MYPN: variants seen among roughly 807,000 people sequenced by gnomAD.
MYPN encodes the protein myopalladin, also known as sarcomeric protein myopalladin, 145 kDa (MYOP).
Under a neutral mutation model 129.4 loss-of-function variants are expected in MYPN, and 63 were observed. That is an observed-to-expected ratio of 0.49 (90% CI 0.40 to 0.60). The LOEUF (loss-of-function observed/expected upper bound fraction) is 0.60. MYPN is among the 20% of genes least tolerant of loss of function. The probability of loss-of-function intolerance (pLI) is 0.00; values close to 1 mark genes in which losing one functional copy is unlikely to be tolerated. For synonymous variants in MYPN, 629 were observed against 600.9 expected (o/e 1.05, Z -0.68); for missense variants, 1,596 against 1,635.4 (o/e 0.98, Z 0.42).
In MYPN at chr10:68,186,687, G is replaced by A. The variant is rs114289384; in HGVS notation, c.2704-2218G>A. On this transcript the variant is annotated intron_variant, in intron 12 of 19. Transcript: ENST00000358913. ...ACTCATTCTTCAGATCTTATTGAGC[G>A]CTCACCTGCCATGGTGCAGGTACTC... Among the ~76,000 whole-genome samples, 668 of 152,192 alleles carry A rather than the reference G, an allele frequency of 4.4e-3. 5 individuals are homozygous for A. The highest frequency in any genetic ancestry group is 0.015 in the African/African-American group (611 of 41,516).
upstream of MYPN, chr10:68,106,899 A>T: frequency 2.9e-6 from 2 of 691,818 alleles, no homozygotes; most frequent in Non-Finnish European, 5.3e-6. Flanking sequence ...CATGTGTTGG[A>T]TGAGCCACTC....
intron 7 of MYPN, among the ~76,000 whole-genome samples, chr10:68,160,548 TATCA>T (rs1489362942): frequency 6.6e-6 from 1 of 150,928 alleles, no homozygotes; most frequent in Non-Finnish European, 1.5e-5. Flanking sequence ...GGCAATTCAA[TATCA>T]ATCAAACACC....
intron 2 of MYPN, among the ~76,000 whole-genome samples, chr10:68,137,597 A>G (rs935726435): frequency 3.3e-5 from 5 of 152,202 alleles, no homozygotes; most frequent in Non-Finnish European, 7.3e-5. Context: ...ACATTTTATT[A>G]TATAATATTT....
At chr10:68,123,782 C>T (rs2042286929) in intron 2 of MYPN, among the ~76,000 whole-genome samples, 1 of 152,132 alleles carries the variant, frequency 6.6e-6, no homozygotes. Context: ...TGCCCAGTAA[C>T]TGCATGTGTC....
At chr10:68,157,414 G>A (rs1589567302) in intron 6 of MYPN, among the ~76,000 whole-genome samples, 3 of 152,188 alleles carry the variant, frequency 2.0e-5, no homozygotes, top group Non-Finnish European at 4.4e-5. Context: ...TCCACATTAT[G>A]AGCAGCCACA....
At chr10:68,175,299 G>A (rs1193778815) in intron 11 of MYPN, 24 bp from the exon 12 acceptor site, 1 of 1,613,796 alleles carries the variant, frequency 6.2e-7, no homozygotes, top group Non-Finnish European at 8.5e-7. Context: ...TCATGGGTGT[G>A]TCAGGTGTGG....
chr10:68,174,395 C>A lies in MYPN; in HGVS notation c.2303C>A (p.Pro768His). 1 of 1,614,092 alleles carries A rather than the reference C, an allele frequency of 6.2e-7. No homozygotes were observed. The highest frequency in any genetic ancestry group is 8.5e-7 in the Non-Finnish European group (1 of 1,180,014). Reference protein sequence around the residue: ...VSKESLLVSHPSVQTKSPGGL... With the variant: ...VSKESLLVSHHSVQTKSPGGL... ...AAAGAAAGCCTCTTAGTGTCTCACC[C>A]CTCTGTGCAAACCAAATCTCCAGGA... The change falls in exon 11 of 20, where the codon CCC (proline) becomes CAC (histidine). Residue 768 changes from proline to histidine, a missense_variant. Pro to His is a moderately conservative substitution (Grantham distance 77). Transcript: ENST00000358913.
chr10:68,147,713 T>C (rs1443795295), intron 4 of MYPN, among the ~76,000 whole-genome samples: 1 of 152,174 alleles, frequency 6.6e-6, no homozygotes, highest in Non-Finnish European at 1.5e-5. Flanking sequence ...AGGTTCTCCC[T>C]GGGGTCAGGT....
chr10:68,169,071 C>A (rs1014814358), intron 10 of MYPN, among the ~76,000 whole-genome samples: 4 of 143,868 alleles, frequency 2.8e-5, no homozygotes, highest in African/African-American at 5.2e-5. Flanking sequence ...TCCGGCCAGG[C>A]ATGGTGGCTC....
At chr10:68,088,763 A>G (rs1374050246) in intron 1 of MYPN, among the ~76,000 whole-genome samples, 1 of 152,210 alleles carries the variant, frequency 6.6e-6, no homozygotes, top group Non-Finnish European at 1.5e-5. Context: ...TTGAGATATA[A>G]TTAATACACC....
intron 16 of MYPN, among the ~76,000 whole-genome samples, chr10:68,198,512 T>A (rs1283113916): frequency 6.6e-6 from 1 of 152,146 alleles, no homozygotes; most frequent in Non-Finnish European, 1.5e-5. Context: ...TAAGCATTCA[T>A]AAAGGGTCCA....
intron 8 of MYPN, among the ~76,000 whole-genome samples, chr10:68,164,282 T>C (rs531407590): frequency 6.6e-6 from 1 of 152,218 alleles, no homozygotes; most frequent in South Asian, 2.1e-4. Flanking sequence ...AGAGAGCAAA[T>C]GCGCAAGAGA....
At chr10:68,157,809 A>G (rs966030431) in intron 6 of MYPN, among the ~76,000 whole-genome samples, 25 of 150,388 alleles carry the variant, frequency 1.7e-4, no homozygotes, top group Admixed American at 1.4e-3. Flanking sequence ...AACACTGCAC[A>G]CCAGCCTGGG....
chr10:68,107,805 C>A (rs1015745530), upstream of MYPN, among the ~76,000 whole-genome samples: 2 of 152,084 alleles, frequency 1.3e-5, no homozygotes, highest in Non-Finnish European at 2.9e-5. Flanking sequence ...AGGTAGAATA[C>A]CAGGCTTATC....
chr10:68,191,191 A>T (rs1255316004), intron 13 of MYPN, among the ~76,000 whole-genome samples: 2 of 149,102 alleles, frequency 1.3e-5, no homozygotes, highest in African/African-American at 4.9e-5. Context: ...ATTCCATATG[A>T]ATTTTAGAAT....
At chr10:68,108,628 G>A (rs1057427101), upstream of MYPN, among the ~76,000 whole-genome samples, 19 of 152,118 alleles carry the variant, frequency 1.2e-4, no homozygotes, top group Admixed American at 2.0e-4. Context: ...TCAAAGTCCT[G>A]TCTTCTACCA....
chr10:68,193,997 T>C (rs1589606651), intron 13 of MYPN, among the ~76,000 whole-genome samples: 2 of 101,172 alleles, frequency 2.0e-5, no homozygotes, highest in South Asian at 6.5e-4. Context: ...AATAAGGTAA[T>C]GAGAATATCC....
intron 18 of MYPN, among the ~76,000 whole-genome samples, chr10:68,204,822 G>A (rs118047765): frequency 0.01 from 1,569 of 151,056 alleles, 8 homozygotes; most frequent in Middle Eastern, 0.048. Flanking sequence ...GAAGGGTCCC[G>A]TCCCTTTACC....
intron 1 of MYPN, among the ~76,000 whole-genome samples, chr10:68,112,587 C>A (rs141528794): frequency 3.8e-4 from 58 of 152,240 alleles, no homozygotes; most frequent in African/African-American, 1.3e-3. Flanking sequence ...CATCTCTGCT[C>A]GGCCTCTTTA....
Sources: gnomAD v4.1 joint callset for allele counts (sites outside exome capture counted in the v4.1 genomes callset) on GRCh38, gnomAD v4.1.1 for gene constraint, MANE v1.5 for transcripts, NCBI Gene and HGNC (gene_info 2026-07-23, HGNC 2026-07-21) for gene names.